PPP1R9A: variants seen among roughly 807,000 people sequenced by gnomAD.
PPP1R9A encodes the protein neurabin-1.
Under a neutral mutation model 141.9 loss-of-function variants are expected in PPP1R9A, and 59 were observed. The observed-to-expected ratio is 0.42, with a 90% CI of 0.34 to 0.52. PPP1R9A has a LOEUF of 0.52. Among genes scored for constraint, PPP1R9A ranks in the 20% least tolerant of loss-of-function variants. The pLI, the probability that PPP1R9A is intolerant of heterozygous loss-of-function variation, is 0.10. For missense variants in PPP1R9A, 1,444 were observed against 1,611.9 expected (o/e 0.90, Z 1.78); for synonymous variants, 500 against 569.7 (o/e 0.88, Z 1.74).
intron 2 of PPP1R9A, among the ~76,000 whole-genome samples, chr7:95,054,256 C>G (rs1811205914): frequency 6.6e-6 from 1 of 151,118 alleles, no homozygotes; most frequent in Non-Finnish European, 1.5e-5. Flanking sequence ...GCTGAGATTA[C>G]AGGCGCCCAC....
rs545119529 is a variant in PPP1R9A at position 95,052,632 on chromosome 7, C to T, written c.1396-58627C>T. 3.3e-5 allele frequency among the ~76,000 whole-genome samples: 5 copies of T among 152,266 alleles called. No homozygotes were observed. The South Asian group carries it at 8.3e-4, about 25-fold the overall frequency. On this transcript the variant is annotated intron_variant, in intron 2 of 19. Coordinates refer to ENST00000433360, the MANE Select transcript of PPP1R9A (RefSeq NM_001166160.2). ...GACATGCTTAAGAATTTATGTCATA[C>T]AATTTTATAATGTTAAGTCATTAAA... is the stretch of plus-strand genomic sequence containing the variant.
At chr7:95,225,621 G>T (rs760657278) in intron 7 of PPP1R9A, among the ~76,000 whole-genome samples, 15 of 152,040 alleles carry the variant, frequency 9.9e-5, no homozygotes, top group Non-Finnish European at 2.2e-4. Flanking sequence ...TTCACAAAGA[G>T]AATTTAAAGA....
intron 8 of PPP1R9A, among the ~76,000 whole-genome samples, chr7:95,240,016 T>A (rs1797227422): frequency 6.6e-6 from 1 of 152,058 alleles, no homozygotes; most frequent in African/African-American, 2.4e-5. Context: ...CCACTATTAT[T>A]CCTTTTAAAG....
At chr7:95,193,154 T>C (rs1165200586) in intron 5 of PPP1R9A, among the ~76,000 whole-genome samples, 1 of 152,148 alleles carries the variant, frequency 6.6e-6, no homozygotes, top group African/African-American at 2.4e-5. Flanking sequence ...TGGATCGTAC[T>C]TATCAGGATG....
chr7:95,221,824 T>C (rs1472075044), intron 7 of PPP1R9A, among the ~76,000 whole-genome samples: 1 of 152,084 alleles, frequency 6.6e-6, no homozygotes, highest in Non-Finnish European at 1.5e-5. Flanking sequence ...TCATACACTA[T>C]ATGTTATGGT....
intron 12 of PPP1R9A, among the ~76,000 whole-genome samples, chr7:95,265,105 A>C (rs147409834): frequency 6.6e-6 from 1 of 152,236 alleles, no homozygotes; most frequent in African/African-American, 2.4e-5. Context: ...GATATATGTA[A>C]AGCCAAAAAA....
chr7:95,227,699 G>T (rs1251446902), intron 8 of PPP1R9A, among the ~76,000 whole-genome samples: 1 of 152,060 alleles, frequency 6.6e-6, no homozygotes, highest in East Asian at 1.9e-4. Context: ...AAATGTTACT[G>T]ACCCTGGTGT....
chr7:95,144,795 C>T (rs1021975167), intron 4 of PPP1R9A, among the ~76,000 whole-genome samples: 1 of 152,148 alleles, frequency 6.6e-6, no homozygotes, highest in Non-Finnish European at 1.5e-5. Flanking sequence ...GTAAACTATT[C>T]CTGTTGTAGA....
intron 16 of PPP1R9A, among the ~76,000 whole-genome samples, chr7:95,279,921 C>A (rs1803851171): frequency 6.6e-6 from 1 of 151,956 alleles, no homozygotes; most frequent in East Asian, 1.9e-4. Flanking sequence ...CATTTTAAAC[C>A]CCTCCAGTAT....
At chr7:95,035,192 A>G (rs1323352644) in intron 2 of PPP1R9A, among the ~76,000 whole-genome samples, 2 of 152,230 alleles carry the variant, frequency 1.3e-5, no homozygotes, top group East Asian at 1.9e-4. Context: ...TCAGATTTCT[A>G]TTCAAAACAT....
At chr7:95,132,079 GAA>G (rs1824746830) in intron 4 of PPP1R9A, among the ~76,000 whole-genome samples, 1 of 152,162 alleles carries the variant, frequency 6.6e-6, no homozygotes, top group Non-Finnish European at 1.5e-5. Context: ...ATCAGTTTCA[GAA>G]GCTTTTTGGT....
intron 1 of PPP1R9A, among the ~76,000 whole-genome samples, chr7:94,909,588 A>C (rs1227932127): frequency 6.6e-6 from 1 of 152,168 alleles, no homozygotes. Context: ...AAAGCGACCA[A>C]AACTTGGGCT....
At chr7:95,215,908 C>T (rs531318531) in intron 7 of PPP1R9A, among the ~76,000 whole-genome samples, 1 of 152,148 alleles carries the variant, frequency 6.6e-6, no homozygotes, top group Non-Finnish European at 1.5e-5. Context: ...AAAATTTTCT[C>T]CCATTCTGTA....
At chr7:95,073,821 A>G (rs192925642) in intron 2 of PPP1R9A, among the ~76,000 whole-genome samples, 4 of 151,946 alleles carry the variant, frequency 2.6e-5, no homozygotes, top group South Asian at 2.1e-4. Context: ...GGCCCAAGCA[A>G]TCCTCCTGCC....
chr7:94,950,564 A>G (rs1796357121), intron 2 of PPP1R9A, among the ~76,000 whole-genome samples: 1 of 152,008 alleles, frequency 6.6e-6, no homozygotes. Flanking sequence ...CTGTAGATTA[A>G]ATTTGAGAGA....
chr7:95,228,198 T>A (rs929127231), intron 8 of PPP1R9A, among the ~76,000 whole-genome samples: 3 of 152,222 alleles, frequency 2.0e-5, no homozygotes, highest in Non-Finnish European at 4.4e-5. Flanking sequence ...TACATTAGAC[T>A]GACATTATCT....
intron 2 of PPP1R9A, among the ~76,000 whole-genome samples, chr7:95,064,304 A>T (rs1186020722): frequency 6.6e-6 from 1 of 152,192 alleles, no homozygotes; most frequent in Non-Finnish European, 1.5e-5. Context: ...CATGGCTAGT[A>T]TACTGCTATA....
chr7:95,167,792 A>C (rs1281865096), intron 5 of PPP1R9A, among the ~76,000 whole-genome samples: 3 of 151,196 alleles, frequency 2.0e-5, no homozygotes, highest in Non-Finnish European at 4.4e-5. Context: ...CAAGAAGACA[A>C]CCAAATTTAC....
At chr7:95,105,855 A>G (rs553856467) in intron 2 of PPP1R9A, among the ~76,000 whole-genome samples, 2 of 152,222 alleles carry the variant, frequency 1.3e-5, no homozygotes, top group Non-Finnish European at 2.9e-5. Context: ...CTCTAGACAT[A>G]GGTGGGGATT....
Sources: gnomAD v4.1 joint callset for allele counts (sites outside exome capture counted in the v4.1 genomes callset) on GRCh38, gnomAD v4.1.1 for gene constraint, MANE v1.5 for transcripts, NCBI Gene and HGNC (gene_info 2026-07-23, HGNC 2026-07-21) for gene names.